Variants in ADGRB1 observed in about 807,000 individuals in gnomAD.
ADGRB1 encodes brain-specific angiogenesis inhibitor 1.
In ADGRB1, 36 loss-of-function variants were observed where a neutral mutation model predicts 175.7. The ratio of observed to expected loss-of-function variants is 0.20; its 90% CI spans 0.16 to 0.27. The LOEUF (loss-of-function observed/expected upper bound fraction) is 0.27. Among genes scored for constraint, ADGRB1 ranks in the 10% least tolerant of loss-of-function variants. The probability of loss-of-function intolerance (pLI) is 1.00; values close to 1 mark genes in which losing one functional copy is unlikely to be tolerated. For missense variants in ADGRB1, 1,731 were observed against 2,255.3 expected (o/e 0.77, Z 4.71); for synonymous variants, 1,054 against 979.4 (o/e 1.08, Z -1.42).
At chr8:142,500,561 C>T (rs950064385) in intron 17 of ADGRB1, among the ~76,000 whole-genome samples, 3 of 151,738 alleles carry the variant, frequency 2.0e-5, no homozygotes, top group Middle Eastern at 3.4e-3. Flanking sequence ...GCTCAGCACC[C>T]GTGTCCCTGT....
At chr8:142,522,743 C>A in intron 22 of ADGRB1, 33 bp downstream of exon 22, 2 of 1,460,352 alleles carry the variant, frequency 1.4e-6, no homozygotes, top group Non-Finnish European at 1.8e-6. Context: ...TGGTGGATGG[C>A]CACATGGCCC....
At chr8:142,480,419 G>A (rs904360939) in intron 9 of ADGRB1, among the ~76,000 whole-genome samples, 1 of 152,174 alleles carries the variant, frequency 6.6e-6, no homozygotes, top group Non-Finnish European at 1.5e-5. Context: ...GAGCTGCTGT[G>A]GGGAGGTGTG....
chr8:142,468,642 C>G (rs1356751619), intron 2 of ADGRB1, among the ~76,000 whole-genome samples: 5 of 152,236 alleles, frequency 3.3e-5, no homozygotes, highest in African/African-American at 9.6e-5. Flanking sequence ...GCCTCAGGGC[C>G]TTCACACAGC....
intron 2 of ADGRB1, among the ~76,000 whole-genome samples, chr8:142,467,115 G>A (rs373359690): frequency 1.9e-4 from 29 of 152,330 alleles, no homozygotes; most frequent in African/African-American, 5.8e-4. Context: ...CGTGGGTGTC[G>A]GAGGGAGCGC....
chr8:142,518,334 C>A, intron 19 of ADGRB1, 93 bp downstream of exon 19: 4 of 1,334,092 alleles, frequency 3.0e-6, no homozygotes, highest in Non-Finnish European at 4.2e-6. Flanking sequence ...CGTGGGTGCC[C>A]CTCCCTCCAT....
At chr8:142,494,548 G>A (rs963948156) in intron 17 of ADGRB1, among the ~76,000 whole-genome samples, 1 of 152,006 alleles carries the variant, frequency 6.6e-6, no homozygotes, top group Admixed American at 6.6e-5. Context: ...AAGACTTACA[G>A]GCTTCCACTG....
intron 2 of ADGRB1, 89 bp downstream of exon 2, chr8:142,465,071 T>C (rs1181640657): frequency 2.3e-5 from 9 of 387,402 alleles, no homozygotes; most frequent in African/African-American, 8.4e-5. Context: ...ATGGGGGAAG[T>C]GGGCGGACAG....
chr8:142,520,852 T>G lies in ADGRB1; in HGVS notation c.2951T>G (p.Leu984Arg). 6.2e-7 allele frequency: 1 copy of G among 1,613,698 alleles called. No individual in the cohort carries two copies. Among genetic ancestry groups the G allele is most frequent in the South Asian group, 1.1e-5 (1 of 91,080 alleles). ...ATTCGCTCAGAGCGTTCTGTCATCC[T>G]CATCAACTTCTGCCTGTCCATCATC... ...RYIRSERSVI[L>R]INFCLSIISS... Residue 984 changes from leucine to arginine, a missense_variant, in exon 20 of 31, where the codon CTC becomes CGC. By Grantham distance (102) the Leu-to-Arg change is moderately radical (BLOSUM62 -2). Transcript: ENST00000517894.
intron 2 of ADGRB1, among the ~76,000 whole-genome samples, chr8:142,468,559 A>G (rs1456190406): frequency 6.6e-6 from 1 of 152,184 alleles, no homozygotes; most frequent in Non-Finnish European, 1.5e-5. Flanking sequence ...CAGTAGTAAT[A>G]GTCATTTATT....
chr8:142,488,703 G>A (rs1207616760), intron 14 of ADGRB1, among the ~76,000 whole-genome samples, 196 bp downstream of exon 14: 2 of 152,162 alleles, frequency 1.3e-5, no homozygotes, highest in East Asian at 3.9e-4. Flanking sequence ...AGGCAGAGGG[G>A]TCAAGATGAA....
At chr8:142,514,407 C>T (rs758375723) in intron 18 of ADGRB1, among the ~76,000 whole-genome samples, 8 of 152,132 alleles carry the variant, frequency 5.3e-5, no homozygotes, top group East Asian at 1.9e-4. Flanking sequence ...CTACGACGGC[C>T]GGAAGGTTGA....
At chr8:142,541,799 C>A in intron 27 of ADGRB1, 142 bp from the exon 28 acceptor site, 3 of 884,744 alleles carry the variant, frequency 3.4e-6, no homozygotes, top group Non-Finnish European at 5.0e-6. Flanking sequence ...GCCCTCCGAT[C>A]GGTACCCAGC....
chr8:142,524,078 TAA>T (rs889154529), intron 22 of ADGRB1, among the ~76,000 whole-genome samples, 158 bp from the exon 23 acceptor site: 1 of 152,110 alleles, frequency 6.6e-6, no homozygotes, highest in African/African-American at 2.4e-5. Context: ...ATTCTAAGGC[TAA>T]AGAGTGGGTG....
intron 1 of ADGRB1, among the ~76,000 whole-genome samples, chr8:142,450,465 G>C (rs965001982): frequency 6.6e-6 from 1 of 152,182 alleles, no homozygotes; most frequent in African/African-American, 2.4e-5. Flanking sequence ...AGGCTGGGGA[G>C]GGCGTTCCCG....
At chr8:142,451,790 G>A (rs1482431592) in intron 1 of ADGRB1, among the ~76,000 whole-genome samples, 1 of 152,158 alleles carries the variant, frequency 6.6e-6, no homozygotes, top group Non-Finnish European at 1.5e-5. Context: ...GGGGTCTGGG[G>A]AGGCGACTGT....
Position 142,526,620 on chromosome 8 carries a change from C to T in ADGRB1, c.3391C>T (p.Arg1131Trp), listed in dbSNP as rs1844217904. 23 of 1,610,934 alleles carry T rather than the reference C, an allele frequency of 1.4e-5. No individual in the cohort carries two copies. The highest frequency in any genetic ancestry group is 2.2e-5 in the East Asian group (1 of 44,762). Reference sequence around the variant, plus strand: ...CATCACGGACAAGAAGCTGAAGGAGCGGGCAGGGTAGGACCGGGGCTACGC... The same window carrying T: ...CATCACGGACAAGAAGCTGAAGGAGTGGGCAGGGTAGGACCGGGGCTACGC... ...DGITDKKLKERAGASLWSSCV... is the reference protein window; with the variant it reads ...DGITDKKLKEWAGASLWSSCV... The change falls in exon 24 of 31, where the codon CGG becomes TGG. Residue 1131 changes from arginine (R) to tryptophan (W), a missense_variant. Coordinates refer to ENST00000517894, the MANE Select transcript of ADGRB1 (RefSeq NM_001702.3).
chr8:142,516,306 GCGTGTGTGCGGGCCC>G (rs1246623317), intron 18 of ADGRB1, among the ~76,000 whole-genome samples: 2 of 142,092 alleles, frequency 1.4e-5, no homozygotes, highest in East Asian at 2.2e-4. Flanking sequence ...CCAGGTGCAT[GCGTGTGTGCGGGCCC>G]CAGGTGCATG....
intron 1 of ADGRB1, among the ~76,000 whole-genome samples, chr8:142,451,051 C>T (rs1266954221): frequency 6.6e-6 from 1 of 152,182 alleles, no homozygotes; most frequent in Non-Finnish European, 1.5e-5. Flanking sequence ...GCACGGCCCC[C>T]GCCCCCTCCT....
intron 14 of ADGRB1, 111 bp downstream of exon 14, chr8:142,488,618 C>T (rs1841817628): frequency 7.2e-7 from 1 of 1,391,688 alleles, no homozygotes. Flanking sequence ...GGGCGGTTCT[C>T]AAGGGGGTCC....
Sources: allele counts gnomAD v4.1 joint callset (sites outside exome capture counted in the v4.1 genomes callset), GRCh38; gene constraint gnomAD v4.1.1; transcripts MANE v1.5; gene names NCBI Gene and HGNC (gene_info 2026-07-23, HGNC 2026-07-21).